MYH3: variants seen among roughly 807,000 people sequenced by gnomAD.
MYH3 encodes the protein myosin heavy chain 3.
A neutral mutation model predicts 238.0 loss-of-function variants in MYH3; 130 were observed. The observed-to-expected ratio is 0.55, with a 90% CI of 0.47 to 0.63. MYH3 has a LOEUF of 0.63. Among genes scored for constraint, MYH3 ranks in the 30% least tolerant of loss-of-function variants. The probability of loss-of-function intolerance (pLI) is 0.00; values close to 1 mark genes in which losing one functional copy is unlikely to be tolerated. For synonymous variants in MYH3, 880 were observed against 924.1 expected, an observed-to-expected ratio of 0.95 and a Z score of 0.86; for missense variants, 1,853 against 2,374.9, an observed-to-expected ratio of 0.78 and a Z score of 4.57.
At chr17:10,657,876 TCTC>T (rs2074449478), upstream of MYH3, among the ~76,000 whole-genome samples, 1 of 152,152 alleles carries the variant, frequency 6.6e-6, no homozygotes, top group East Asian at 1.9e-4. Context: ...TCTTCTCCCT[TCTC>T]CTCCTTCTAC....
chr17:10,644,960 C>T (rs1435162983), intron 12 of MYH3, among the ~76,000 whole-genome samples: 1 of 152,122 alleles, frequency 6.6e-6, no homozygotes, highest in African/African-American at 2.4e-5. Context: ...TCAGGAAAAG[C>T]GAGTGGTAAC....
Position 10,629,719 on chromosome 17 carries a change from C to T in MYH3, c.5674G>A (p.Ala1892Thr), listed in dbSNP as rs780846542. 40 of 1,614,116 alleles carry T rather than the reference C, an allele frequency of 2.5e-5. No individual in the cohort carries two copies. The highest frequency in any genetic ancestry group is 3.3e-5 in the Non-Finnish European group (39 of 1,180,058). The change falls in exon 40 of 41, where the codon GCT becomes ACT. Residue 1892 changes from alanine to threonine, a missense_variant. Transcript: ENST00000583535. Reference sequence around the variant, plus strand: ...GCCTTTCGGAATTTGGTGAGATGAGCATTGGCTTGTTCATCCTAAAACCAA... The same window carrying T: ...GCCTTTCGGAATTTGGTGAGATGAGTATTGGCTTGTTCATCCTAAAACCAA... ...QAEEADEQAN[A>T]HLTKFRKAQH...
chr17:10,666,561 G>A, the MYH3 span, among the ~76,000 whole-genome samples: 1 of 141,820 alleles, frequency 7.1e-6, no homozygotes, highest in Admixed American at 7.2e-5. Context: ...GGGCAACAGA[G>A]TGAGACCTTG....
At chr17:10,670,755 C>G in the MYH3 span, among the ~76,000 whole-genome samples, 1 of 151,756 alleles carries the variant, frequency 6.6e-6, no homozygotes, top group Non-Finnish European at 1.5e-5. The surrounding 1 kb of genome is among the most constrained non-coding windows in gnomAD (Gnocchi z 7.0). Context: ...TGGGATCAAA[C>G]TTCTACGGCT....
intron 33 of MYH3, 105 bp from the exon 34 acceptor site, chr17:10,632,889 C>A: frequency 1.6e-6 from 2 of 1,244,550 alleles, no homozygotes; most frequent in Non-Finnish European, 2.4e-6. Flanking sequence ...TAAATCTAAT[C>A]CTACAATAGT....
rs1465434823 is a variant in MYH3 at position 10,650,416 on chromosome 17, A to T, written c.506-15T>A. The T allele has an allele frequency of 6.2e-7, 1 of 1,610,066 alleles. No individual in the cohort carries two copies. Among genetic ancestry groups the T allele is most frequent in the Admixed American group, 1.7e-5 (1 of 60,012 alleles). On this transcript the variant is annotated splice_polypyrimidine_tract_variant and intron_variant, in intron 5 of 40. Coordinates refer to ENST00000583535, the MANE Select transcript of MYH3 (RefSeq NM_002470.4). ...GTTTTCACGATCTGCCAGAGGAAAA[A>T]ATAAAATAGAGTTGATGGCAATAGA...
At chr17:10,631,282 T>C (rs1430051215) in intron 36 of MYH3, among the ~76,000 whole-genome samples, 2 of 152,170 alleles carry the variant, frequency 1.3e-5, no homozygotes, top group African/African-American at 4.8e-5. Context: ...GGAGAAAGCC[T>C]CGGAGACCCA....
chr17:10,646,742 C>T (rs781286655), intron 10 of MYH3, among the ~76,000 whole-genome samples: 3 of 151,520 alleles, frequency 2.0e-5, no homozygotes, highest in Non-Finnish European at 4.4e-5. Context: ...TAGCCACATC[C>T]CATTTCTAAA....
chr17:10,640,807 T>G, intron 19 of MYH3, 121 bp from the exon 20 acceptor site: 5 of 1,277,892 alleles, frequency 3.9e-6, no homozygotes, highest in Non-Finnish European at 5.5e-6. Flanking sequence ...ATGAGGGAAC[T>G]AGCTCGGAGT....
At chr17:10,664,875 C>A in the MYH3 span, among the ~76,000 whole-genome samples, 5 of 152,074 alleles carry the variant, frequency 3.3e-5, no homozygotes, top group African/African-American at 1.2e-4. Flanking sequence ...TGGCCCAGGA[C>A]CTTGCCAGGG....
intron 4 of MYH3, 88 bp downstream of exon 4, chr17:10,652,332 T>C: frequency 1.3e-6 from 2 of 1,504,766 alleles, no homozygotes; most frequent in Non-Finnish European, 1.8e-6. Context: ...TCTTCCAGAA[T>C]CCCACGGCCC....
chr17:10,662,712 T>A, the MYH3 span, among the ~76,000 whole-genome samples: 2 of 152,242 alleles, frequency 1.3e-5, no homozygotes, highest in African/African-American at 4.8e-5. Context: ...TTTTAGGCAT[T>A]ACACTTGATG....
Position 10,647,088 on chromosome 17 carries a change from A to T in MYH3, c.898+94T>A. On this transcript the variant is annotated intron_variant, in intron 10 of 40. Transcript: ENST00000583535. ...AAAATAAAATAAACTTTCCCTGTTG[A>T]CTGTAGAGTCACTCTACGTAGATAC... The T allele has an allele frequency of 9.8e-6, 9 of 915,990 alleles. No individual in the cohort carries two copies. The South Asian group carries it at 1.1e-4, about 11-fold the overall frequency. 56.7% of individuals were successfully genotyped at this position (915,990 alleles called of 1,614,324 possible). A position where few individuals can be genotyped will look rare whatever the true frequency, so the allele number is the denominator to read the frequency against.
chr17:10,628,799 T>C, intron 40 of MYH3, 120 bp from the exon 41 acceptor site: 4 of 1,140,974 alleles, frequency 3.5e-6, no homozygotes, highest in Non-Finnish European at 5.3e-6. Context: ...GGATATTTTT[T>C]GGACCTTGGG....
At chr17:10,661,124 ATG>A (rs1437330461), upstream of MYH3, among the ~76,000 whole-genome samples, 1 of 151,578 alleles carries the variant, frequency 6.6e-6, no homozygotes, top group Non-Finnish European at 1.5e-5. Context: ...CTACAGGCAT[ATG>A]CCACCATGCC....
chr17:10,648,524 A>T, intron 8 of MYH3, 33 bp downstream of exon 8: 1 of 1,580,864 alleles, frequency 6.3e-7, no homozygotes, highest in East Asian at 2.2e-5. Context: ...TGAGGCACAA[A>T]GCAAATTCCA....
chr17:10,672,974 T>G, the MYH3 span: 1 of 151,802 alleles, frequency 6.6e-6, no homozygotes, highest in African/African-American at 2.4e-5. Flanking sequence ...TGGGGCCTCA[T>G]GTCTAAAAGC....
In MYH3 at chr17:10,640,085, C is replaced by T. The variant is rs749135269; in HGVS notation, c.2593G>A (p.Ala865Thr). The T allele has an allele frequency of 3.1e-6, 5 of 1,614,132 alleles. No homozygotes were observed. Among genetic ancestry groups the T allele is most frequent in the Admixed American group, 1.7e-5 (1 of 60,018 alleles). ...TCCTTCCTTTTTGCCTCCGACTTGG[C>T]GAGTTCATCTTTGGTTTTCTGGAAT... ...EEFQKTKDEL[A>T]KSEAKRKELE... Residue 865 changes from alanine (A) to threonine (T), a missense_variant, in exon 22 of 41, where the codon GCC (alanine) becomes ACC (threonine). Ala to Thr is a moderately conservative substitution (Grantham distance 58). Coordinates refer to ENST00000583535, the MANE Select transcript of MYH3 (RefSeq NM_002470.4).
chr17:10,633,024 C>A (rs1398026223), intron 33 of MYH3, among the ~76,000 whole-genome samples: 1 of 152,116 alleles, frequency 6.6e-6, no homozygotes, highest in Admixed American at 6.5e-5. Context: ...CCAGCCTGAC[C>A]AATGTAGTGA....
Sources: gnomAD v4.1 joint callset for allele counts (sites outside exome capture counted in the v4.1 genomes callset) on GRCh38, gnomAD v4.1.1 for gene constraint, Gnocchi (gnomAD v3.1) non-coding constraint, MANE v1.5 for transcripts, NCBI Gene and HGNC (gene_info 2026-07-23, HGNC 2026-07-21) for gene names.